Variants in MYO3A observed in about 807,000 individuals in gnomAD.
MYO3A encodes the protein myosin IIIA.
In MYO3A, 180 loss-of-function variants were observed where a neutral mutation model predicts 192.7. That is an observed-to-expected ratio of 0.93 (90% CI 0.83 to 1.06). The LOEUF is 1.06. MYO3A is among the 50% of genes least tolerant of loss of function. The probability of loss-of-function intolerance (pLI) is 0.00; values close to 1 mark genes in which losing one functional copy is unlikely to be tolerated. For synonymous variants in MYO3A, 628 were observed against 645.3 expected, an observed-to-expected ratio of 0.97 and a Z score of 0.41; for missense variants, 1,896 against 1,905.0, an observed-to-expected ratio of 1.00 and a Z score of 0.09.
At position 26,011,521 on chromosome 10, in the gene MYO3A, G is replaced by A. The variant is rs200549553; in HGVS notation, c.509-5299G>A. On this transcript the variant is annotated intron_variant, in intron 6 of 34. Coordinates refer to ENST00000642920, the MANE Select transcript of MYO3A (RefSeq NM_017433.5). ...ATTTCAACAAACTAGAAAACATAGA[G>A]GAAATGGACACATTCCTGTAAGCAT... 1.6e-4 allele frequency among the ~76,000 whole-genome samples: 24 copies of A among 152,158 alleles called. No homozygotes were observed. The East Asian group carries it at 4.6e-3, about 29-fold the overall frequency.
intron 17 of MYO3A, among the ~76,000 whole-genome samples, chr10:26,102,026 AG>A (rs1208584322): frequency 6.6e-6 from 1 of 152,186 alleles, no homozygotes; most frequent in African/African-American, 2.4e-5. Context: ...TGTCACTTTC[AG>A]GTACACCAAT....
At chr10:26,123,753 C>T (rs529329362) in intron 18 of MYO3A, among the ~76,000 whole-genome samples, 22 of 152,162 alleles carry the variant, frequency 1.4e-4, no homozygotes, top group African/African-American at 5.1e-4. Flanking sequence ...AGTGAAACCC[C>T]GTCTCTACTG....
intron 4 of MYO3A, among the ~76,000 whole-genome samples, chr10:25,986,572 G>A (rs558806087): frequency 2.6e-5 from 4 of 152,082 alleles, no homozygotes; most frequent in East Asian, 1.9e-4. Context: ...GCAGCTAAGT[G>A]GAGAATCAAA....
intron 14 of MYO3A, among the ~76,000 whole-genome samples, chr10:26,077,389 G>T (rs2131435778): frequency 6.6e-6 from 1 of 151,506 alleles, no homozygotes; most frequent in East Asian, 1.9e-4. Context: ...ATCAGTTCTA[G>T]TTTTCTGGAG....
intron 32 of MYO3A, among the ~76,000 whole-genome samples, chr10:26,196,228 A>AT (rs1424423532): frequency 1.3e-5 from 2 of 152,372 alleles, no homozygotes; most frequent in Non-Finnish European, 2.9e-5. Flanking sequence ...ATGATACTCA[A>AT]TGCTCTTTAT....
intron 21 of MYO3A, among the ~76,000 whole-genome samples, chr10:26,144,981 G>A (rs1376766971): frequency 6.6e-6 from 1 of 152,132 alleles, no homozygotes; most frequent in Non-Finnish European, 1.5e-5. Flanking sequence ...TTCGAGACCA[G>A]CCTGGCCAAC....
chr10:26,078,317 T>C (rs1835726500), intron 14 of MYO3A, among the ~76,000 whole-genome samples: 1 of 151,970 alleles, frequency 6.6e-6, no homozygotes, highest in African/African-American at 2.4e-5. Context: ...TTGAGTGATC[T>C]TTTGTATTTC....
chr10:26,102,910 C>G (rs983696732), intron 17 of MYO3A, among the ~76,000 whole-genome samples: 2 of 152,162 alleles, frequency 1.3e-5, no homozygotes, highest in Non-Finnish European at 2.9e-5. Flanking sequence ...CTGGGAGAAC[C>G]ACTACTCTCT....
chr10:26,077,233 G>GTTTTTTTTTTTTTTTTTTTTTT lies in MYO3A; in HGVS notation c.1359+6833_1359+6854dup, dbSNP rs34464120. Among the ~76,000 whole-genome samples, 15 of 36,284 alleles carry GTTTTTTTTTTTTTTTTTTTTTT rather than the reference G, an allele frequency of 4.1e-4. 3 individuals carry two copies. Among genetic ancestry groups the GTTTTTTTTTTTTTTTTTTTTTT allele is most frequent in the Non-Finnish European group, 6.3e-4 (12 of 19,040 alleles). The allele number at this position is 36,284 out of a possible 152,430, so 23.8% of individuals were successfully genotyped here. ...CTCCTTGGTTAGGTATATTCCTAAG[G>GTTTTTTTTTTTTTTTTTTTTTT]TTTTTTTTTTTTTTTTTTTTTTGCA... On this transcript the variant is annotated intron_variant, in intron 14 of 34. Coordinates refer to ENST00000642920, the MANE Select transcript of MYO3A (RefSeq NM_017433.5).
chr10:26,071,050 G>A (rs1175045929), intron 14 of MYO3A, among the ~76,000 whole-genome samples: 2 of 151,810 alleles, frequency 1.3e-5, no homozygotes, highest in African/African-American at 4.8e-5. Flanking sequence ...AATTGACAAG[G>A]TGACTCAAAA....
chr10:26,007,244 A>C (rs539366930), intron 6 of MYO3A, among the ~76,000 whole-genome samples: 8,880 of 143,444 alleles, frequency 0.062, 563 homozygotes, highest in African/African-American at 0.15. Flanking sequence ...AAATAATAAG[A>C]GCTATCTATG....
chr10:25,974,908 T>G (rs1380860137), intron 4 of MYO3A, among the ~76,000 whole-genome samples: 1 of 152,202 alleles, frequency 6.6e-6, no homozygotes, highest in Non-Finnish European at 1.5e-5. Flanking sequence ...TACTGTCAAC[T>G]GAAGAATTGG....
chr10:26,108,989 C>T, intron 17 of MYO3A, among the ~76,000 whole-genome samples: 1 of 152,154 alleles, frequency 6.6e-6, no homozygotes, highest in East Asian at 1.9e-4. Flanking sequence ...GATCCATCTC[C>T]CCAAAGCTAA....
intron 32 of MYO3A, among the ~76,000 whole-genome samples, chr10:26,193,691 G>C (rs902395824): frequency 2.6e-5 from 4 of 152,168 alleles, no homozygotes; most frequent in African/African-American, 9.7e-5. Context: ...GAAAGAAGAG[G>C]GGAAACAGAC....
intron 34 of MYO3A, among the ~76,000 whole-genome samples, chr10:26,210,819 C>G (rs576596630): frequency 6.6e-6 from 1 of 152,140 alleles, no homozygotes; most frequent in Admixed American, 6.5e-5. Context: ...TGTGTACACT[C>G]TAGTCTTGCA....
intron 3 of MYO3A, 75 bp from the exon 4 acceptor site, chr10:25,954,799 G>A (rs527563672): frequency 2.1e-6 from 3 of 1,440,414 alleles, no homozygotes; most frequent in African/African-American, 2.8e-5. Flanking sequence ...TCTGTATTTG[G>A]TATTCTATAA....
chr10:26,154,876 T>G, intron 25 of MYO3A, 53 bp downstream of exon 25: 1 of 1,459,608 alleles, frequency 6.9e-7, no homozygotes, highest in East Asian at 2.4e-5. Context: ...TTAGTCTAAA[T>G]GAGTTACAGA....
At chr10:26,012,437 T>C (rs1841721961) in intron 6 of MYO3A, among the ~76,000 whole-genome samples, 1 of 152,152 alleles carries the variant, frequency 6.6e-6, no homozygotes, top group Non-Finnish European at 1.5e-5. Flanking sequence ...AGCCCTGCTA[T>C]ACCCCAAAAC....
chr10:26,046,661 T>C (rs930234673), intron 10 of MYO3A, among the ~76,000 whole-genome samples: 5 of 152,160 alleles, frequency 3.3e-5, no homozygotes, highest in Non-Finnish European at 5.9e-5. Context: ...CCCAGTAGAG[T>C]TAAAAGCTAT....
Sources: gnomAD v4.1 joint callset for allele counts (sites outside exome capture counted in the v4.1 genomes callset) on GRCh38, gnomAD v4.1.1 for gene constraint, MANE v1.5 for transcripts, NCBI Gene and HGNC (gene_info 2026-07-23, HGNC 2026-07-21) for gene names.